Variants in GRM8 observed in about 807,000 individuals in gnomAD.
GRM8 encodes glutamate metabotropic receptor 8, also known as metabotropic glutamate receptor 8.
GRM8 carries 47 observed loss-of-function variants against 87.2 expected under a neutral mutation model. That is an observed-to-expected ratio of 0.54 (90% CI 0.43 to 0.69). GRM8 has a LOEUF of 0.69. Ranked by LOEUF, GRM8 falls within the 30% of genes least tolerant of loss-of-function variation. The pLI is 0.00. For missense variants in GRM8, 1,019 were observed against 1,139.2 expected, an observed-to-expected ratio of 0.89 and a Z score of 1.52; for synonymous variants, 396 against 404.5, an observed-to-expected ratio of 0.98 and a Z score of 0.25.
chr7:126,612,611 T>C (rs1476925358), intron 7 of GRM8, among the ~76,000 whole-genome samples: 2 of 152,216 alleles, frequency 1.3e-5, no homozygotes, highest in Non-Finnish European at 2.9e-5. Context: ...ATTGCACAGA[T>C]ACTTTTTTAG....
intron 3 of GRM8, among the ~76,000 whole-genome samples, chr7:127,078,036 A>G (rs1047664738): frequency 1.3e-5 from 2 of 152,228 alleles, no homozygotes; most frequent in Non-Finnish European, 2.9e-5. Context: ...CAAATGTCAC[A>G]GAGTTGAGAA....
intron 2 of GRM8, among the ~76,000 whole-genome samples, chr7:127,233,684 G>A (rs1025049391): frequency 1.3e-5 from 2 of 152,184 alleles, no homozygotes; most frequent in African/African-American, 4.8e-5. Flanking sequence ...CTAAGCCAGG[G>A]CTGTATTACA....
At chr7:126,541,538 G>C (rs1816540567) in intron 8 of GRM8, among the ~76,000 whole-genome samples, 1 of 152,138 alleles carries the variant, frequency 6.6e-6, no homozygotes, top group South Asian at 2.1e-4. Flanking sequence ...AAGATGATGA[G>C]TCACGTTTTA....
At chr7:127,232,183 TTGTGTGTG>T (rs71529431) in intron 2 of GRM8, among the ~76,000 whole-genome samples, 1 of 129,756 alleles carries the variant, frequency 7.7e-6, no homozygotes, top group Non-Finnish European at 1.6e-5. Flanking sequence ...TGTTTCTTCT[TTGTGTGTG>T]TGTGTGTGTG....
At chr7:126,947,577 T>C (rs1353530240) in intron 3 of GRM8, among the ~76,000 whole-genome samples, 2 of 151,898 alleles carry the variant, frequency 1.3e-5, no homozygotes, top group African/African-American at 2.4e-5. Context: ...TGTATGTGTA[T>C]ATATATACAT....
At chr7:126,798,517 G>A (rs529195860) in intron 6 of GRM8, among the ~76,000 whole-genome samples, 1 of 152,280 alleles carries the variant, frequency 6.6e-6, no homozygotes, top group Admixed American at 6.5e-5. Context: ...ACATATCTGA[G>A]ATAATGACAG....
At chr7:126,602,608 T>C (rs991252235) in intron 8 of GRM8, among the ~76,000 whole-genome samples, 21 of 141,604 alleles carry the variant, frequency 1.5e-4, no homozygotes, top group African/African-American at 5.0e-4. Flanking sequence ...TTTTATTTCC[T>C]TGAGCAGTGG....
chr7:126,539,809 G>T (rs1013085660), intron 8 of GRM8, among the ~76,000 whole-genome samples: 3 of 151,254 alleles, frequency 2.0e-5, no homozygotes, highest in Non-Finnish European at 4.4e-5. Flanking sequence ...ACTCAAAAAG[G>T]ATCCAAGACA....
chr7:126,993,676 G>A (rs567872728), intron 3 of GRM8, among the ~76,000 whole-genome samples: 1 of 152,116 alleles, frequency 6.6e-6, no homozygotes, highest in Non-Finnish European at 1.5e-5. Context: ...CTTGGGGGAG[G>A]GAGAGCACAG....
At chr7:127,028,911 C>A (rs1817078781) in intron 3 of GRM8, among the ~76,000 whole-genome samples, 1 of 152,186 alleles carries the variant, frequency 6.6e-6, no homozygotes, top group Non-Finnish European at 1.5e-5. Context: ...TTCTCTAGTT[C>A]TTTTAATTGT....
At chr7:126,640,013 T>C (rs1482575006) in intron 7 of GRM8, among the ~76,000 whole-genome samples, 1 of 152,172 alleles carries the variant, frequency 6.6e-6, no homozygotes, top group African/African-American at 2.4e-5. Flanking sequence ...GGGTCTGTGA[T>C]TTCAAATGTC....
At chr7:126,539,565 G>C (rs1477859654) in intron 8 of GRM8, among the ~76,000 whole-genome samples, 1 of 151,914 alleles carries the variant, frequency 6.6e-6, no homozygotes, top group Non-Finnish European at 1.5e-5. Context: ...TCATAATCAA[G>C]ACAACATAGT....
chr7:127,092,044 C>T (rs1438988536), intron 3 of GRM8, among the ~76,000 whole-genome samples: 1 of 125,556 alleles, frequency 8.0e-6, no homozygotes. Flanking sequence ...CCCCGTCCCA[C>T]TGGTCATCAC....
At chr7:126,776,697 A>G (rs761812381) in intron 6 of GRM8, among the ~76,000 whole-genome samples, 5 of 152,166 alleles carry the variant, frequency 3.3e-5, no homozygotes, top group Non-Finnish European at 7.3e-5. Flanking sequence ...ACGGCCTGAG[A>G]AGCCAGACTT....
At chr7:126,858,534 G>C (rs1797879352) in intron 6 of GRM8, among the ~76,000 whole-genome samples, 1 of 152,090 alleles carries the variant, frequency 6.6e-6, no homozygotes, top group African/African-American at 2.4e-5. Flanking sequence ...GGCTCCAACA[G>C]ATAAAGGGCT....
At chr7:126,789,844 T>A (rs1186489667) in intron 6 of GRM8, among the ~76,000 whole-genome samples, 1 of 152,222 alleles carries the variant, frequency 6.6e-6, no homozygotes, top group Non-Finnish European at 1.5e-5. Context: ...ATGTCGTATA[T>A]TCTCAGGTAT....
chr7:127,222,422 C>T (rs755342005), intron 2 of GRM8, among the ~76,000 whole-genome samples: 6 of 152,078 alleles, frequency 3.9e-5, no homozygotes, highest in Non-Finnish European at 5.9e-5. Flanking sequence ...CATAAATCAC[C>T]AACAAGCCAC....
intron 6 of GRM8, among the ~76,000 whole-genome samples, chr7:126,825,653 G>A (rs753278964): frequency 1.3e-5 from 2 of 152,074 alleles, no homozygotes; most frequent in Non-Finnish European, 2.9e-5. Flanking sequence ...AAAAAAAGTT[G>A]TAACTTCAAT....
rs140574952 is a variant in GRM8 at position 126,554,044 on chromosome 7, C to A, written c.1495-20157G>T. Among the ~76,000 whole-genome samples, 482 of 152,076 alleles carry A rather than the reference C, an allele frequency of 3.2e-3. 2 individuals carry two copies. The highest frequency in any genetic ancestry group is 5.1e-3 in the Non-Finnish European group (350 of 67,980). On this transcript the variant is annotated intron_variant, in intron 8 of 10. Coordinates refer to ENST00000339582, the MANE Select transcript of GRM8 (RefSeq NM_000845.3). ...TGCAAGTACATATTTAATAATGTATCATTGTTTCATATTTGGAAAAATATA... is the reference window on the plus strand; with the variant it reads ...TGCAAGTACATATTTAATAATGTATAATTGTTTCATATTTGGAAAAATATA...
Sources: allele counts gnomAD v4.1 joint callset (sites outside exome capture counted in the v4.1 genomes callset), GRCh38; gene constraint gnomAD v4.1.1; transcripts MANE v1.5; gene names NCBI Gene and HGNC (gene_info 2026-07-23, HGNC 2026-07-21).